Variants in UVRAG observed in about 807,000 individuals in gnomAD.
UVRAG encodes the protein UV radiation resistance associated.
UVRAG carries 19 observed loss-of-function variants against 78.0 expected under a neutral mutation model. That is an observed-to-expected ratio of 0.24 (90% CI 0.17 to 0.36). The LOEUF (loss-of-function observed/expected upper bound fraction) is 0.36, where lower values mean the gene tolerates loss of function less well. Among genes scored for constraint, UVRAG ranks in the 10% least tolerant of loss-of-function variants. The pLI is 1.00. For missense variants in UVRAG, 740 were observed against 853.8 expected (o/e 0.87, Z 1.66); for synonymous variants, 323 against 324.6 (o/e 1.00, Z 0.05).
intron 7 of UVRAG, among the ~76,000 whole-genome samples, 156 bp downstream of exon 7, chr11:75,961,705 T>C (rs1430862654): frequency 6.6e-6 from 1 of 152,234 alleles, no homozygotes; most frequent in Non-Finnish European, 1.5e-5. Flanking sequence ...GGAAATAAAC[T>C]TTCCCATCTG....
At chr11:75,848,635 A>C (rs1455151453) in intron 1 of UVRAG, among the ~76,000 whole-genome samples, 3 of 152,218 alleles carry the variant, frequency 2.0e-5, no homozygotes, top group Admixed American at 1.3e-4. Flanking sequence ...TAAGGCAGTC[A>C]ATTCCATGGT....
In UVRAG at chr11:76,016,812, C is replaced by T. The variant is rs962511479; in HGVS notation, c.1061-3C>T. Reference sequence around the variant, plus strand: ...TTCTTTTCCTCTGCTTTTGAATTTACAGCAAAAGATGATGGAAGCATTGCT... The same window carrying T: ...TTCTTTTCCTCTGCTTTTGAATTTATAGCAAAAGATGATGGAAGCATTGCT... On this transcript the variant is annotated splice_polypyrimidine_tract_variant and splice_region_variant and intron_variant, in intron 11 of 14. Coordinates refer to ENST00000356136, the MANE Select transcript of UVRAG (RefSeq NM_003369.4). 3.8e-6 allele frequency: 6 copies of T among 1,582,616 alleles called. No homozygotes were observed. Among genetic ancestry groups the T allele is most frequent in the Non-Finnish European group, 4.3e-6 (5 of 1,163,682 alleles).
intron 12 of UVRAG, among the ~76,000 whole-genome samples, chr11:76,045,309 T>G (rs957824515): frequency 1.4e-4 from 22 of 152,250 alleles, no homozygotes; most frequent in Admixed American, 3.9e-4. Context: ...TTTCCAGTTC[T>G]CTGCTAATAA....
intron 11 of UVRAG, among the ~76,000 whole-genome samples, chr11:76,012,349 C>T (rs1950065479): frequency 6.6e-6 from 1 of 151,676 alleles, no homozygotes; most frequent in Non-Finnish European, 1.5e-5. Flanking sequence ...AAAATTGAAG[C>T]TCAGAGAGAT....
intron 13 of UVRAG, among the ~76,000 whole-genome samples, chr11:76,097,668 G>C (rs1951809047): frequency 6.6e-6 from 1 of 151,982 alleles, no homozygotes; most frequent in Admixed American, 6.6e-5. Flanking sequence ...TCATAGAAGG[G>C]GTTCAATATC....
intron 1 of UVRAG, among the ~76,000 whole-genome samples, chr11:75,817,614 T>C (rs1945286805): frequency 6.6e-6 from 1 of 152,182 alleles, no homozygotes; most frequent in Non-Finnish European, 1.5e-5. Flanking sequence ...AATGCTCAGA[T>C]TTTTAGTGTA....
intron 6 of UVRAG, among the ~76,000 whole-genome samples, chr11:75,920,878 C>A (rs557022986): frequency 4.6e-5 from 7 of 152,184 alleles, no homozygotes; most frequent in African/African-American, 1.4e-4. Context: ...GCATACATTC[C>A]TCTAATTCAC....
intron 13 of UVRAG, among the ~76,000 whole-genome samples, chr11:76,076,295 T>G (rs555261002): frequency 6.6e-5 from 10 of 152,316 alleles, no homozygotes; most frequent in African/African-American, 2.4e-4. Context: ...GAAAGAGGCT[T>G]AATGGACTCA....
intron 6 of UVRAG, among the ~76,000 whole-genome samples, chr11:75,932,474 TG>T (rs959680965): frequency 1.5e-4 from 23 of 151,928 alleles, no homozygotes; most frequent in African/African-American, 5.6e-4. Context: ...TTAGCAGGGA[TG>T]GGGTTACACC....
chr11:76,106,220 G>C (rs1951965837), intron 13 of UVRAG, among the ~76,000 whole-genome samples: 1 of 152,084 alleles, frequency 6.6e-6, no homozygotes. Context: ...TGTGAAAAAA[G>C]GCAGACACAA....
chr11:76,138,592 C>T (rs1952641604), intron 14 of UVRAG, among the ~76,000 whole-genome samples: 1 of 152,222 alleles, frequency 6.6e-6, no homozygotes, highest in South Asian at 2.1e-4. Flanking sequence ...TTCTCATGCC[C>T]TGCCTTTTAT....
At chr11:75,928,939 C>CAA (rs368913080) in intron 6 of UVRAG, among the ~76,000 whole-genome samples, 57,858 of 67,490 alleles carry the variant, frequency 0.86, 26,468 homozygotes, top group Non-Finnish European at 0.92. Context: ...GAGACTGTCT[C>CAA]AAAAAAAAAA....
In UVRAG at chr11:76,051,559, G is replaced by A. The variant is rs892357417; in HGVS notation, c.1227-14151G>A. On this transcript the variant is annotated intron_variant, in intron 12 of 14. Transcript: ENST00000356136. Reference sequence around the variant, plus strand: ...ATTTCCACAGCCCTGCAACTTACAAGTAAAAAAAAGGAGGGGGGATTATTT... The same window carrying A: ...ATTTCCACAGCCCTGCAACTTACAAATAAAAAAAAGGAGGGGGGATTATTT... Among the ~76,000 whole-genome samples the A allele has an allele frequency of 5.9e-5, 9 of 151,802 alleles. No individual in the cohort carries two copies. In the South Asian group the frequency reaches 1.2e-3, roughly 21 times the overall value.
chr11:76,091,789 G>T (rs1381230003), intron 13 of UVRAG, among the ~76,000 whole-genome samples: 5 of 150,882 alleles, frequency 3.3e-5, no homozygotes, highest in African/African-American at 1.2e-4. Context: ...TATATCATTT[G>T]TATTAGAAGC....
chr11:75,871,019 G>A (rs1480655366), intron 3 of UVRAG, among the ~76,000 whole-genome samples: 1 of 151,558 alleles, frequency 6.6e-6, no homozygotes, highest in Admixed American at 6.6e-5. Context: ...ACAGGCATGT[G>A]CCACCATGCC....
chr11:76,028,165 CTTTCATG>C (rs1350919589), intron 12 of UVRAG, among the ~76,000 whole-genome samples: 14 of 152,178 alleles, frequency 9.2e-5, no homozygotes, highest in Admixed American at 8.5e-4. Context: ...AATCAATGAT[CTTTCATG>C]TTATTGTTGT....
chr11:75,908,630 C>G (rs1182197601), intron 5 of UVRAG, among the ~76,000 whole-genome samples: 2 of 140,954 alleles, frequency 1.4e-5, no homozygotes, highest in African/African-American at 5.4e-5. Context: ...TATTTCCTTG[C>G]TTTTATGTTT....
At chr11:75,826,407 T>A (rs1469126868) in intron 1 of UVRAG, among the ~76,000 whole-genome samples, 1 of 151,298 alleles carries the variant, frequency 6.6e-6, no homozygotes, top group Non-Finnish European at 1.5e-5. Flanking sequence ...CACCCGCCTC[T>A]GCCTCCTAAA....
At chr11:76,134,372 T>C (rs1285793425) in intron 14 of UVRAG, among the ~76,000 whole-genome samples, 3 of 149,836 alleles carry the variant, frequency 2.0e-5, no homozygotes, top group Non-Finnish European at 4.4e-5. Context: ...CCAGTGATCC[T>C]CCCACCTCAG....
Sources: allele counts gnomAD v4.1 joint callset (sites outside exome capture counted in the v4.1 genomes callset), GRCh38; gene constraint gnomAD v4.1.1; transcripts MANE v1.5; gene names NCBI Gene and HGNC (gene_info 2026-07-23, HGNC 2026-07-21).